SCN2A: variants seen among roughly 807,000 people sequenced by gnomAD.
SCN2A encodes sodium voltage-gated channel alpha subunit 2.
In SCN2A, 20 loss-of-function variants were observed where a neutral mutation model predicts 188.7. The ratio of observed to expected loss-of-function variants is 0.11; its 90% confidence interval spans 0.07 to 0.15. The LOEUF is 0.15. Ranked by LOEUF, SCN2A falls within the 10% of genes least tolerant of loss-of-function variation. SCN2A has a pLI of 1.00. For synonymous variants in SCN2A, 804 were observed against 833.1 expected (o/e 0.97, Z 0.60); for missense variants, 1,278 against 2,445.0 (o/e 0.52, Z 10.07).
At chr2:165,283,537 T>G (rs1194420016) in intron 1 of SCN2A, among the ~76,000 whole-genome samples, 1 of 152,218 alleles carries the variant, frequency 6.6e-6, no homozygotes, top group Non-Finnish European at 1.5e-5. Context: ...AGAAAACAAC[T>G]TCCGCTTTCT....
intron 19 of SCN2A, among the ~76,000 whole-genome samples, chr2:165,369,766 T>C (rs1161344542): frequency 6.6e-6 from 1 of 152,118 alleles, no homozygotes; most frequent in African/African-American, 2.4e-5. Flanking sequence ...CTGCTTTATA[T>C]CTGCATTACT....
rs773427614 is a variant in SCN2A at position 165,315,521 on chromosome 2, T to C, written c.1434T>C (p.Gly478=). 3 of 1,613,906 alleles carry C rather than the reference T, an allele frequency of 1.9e-6. No individual in the cohort carries two copies. The Admixed American group carries it at 5.0e-5, about 27-fold the overall frequency. ...AATCAAGAGACTTCAGTGGTGCTGG[T>C]GGGATAGGAGTTTTTTCAGAGAGTT... ...SAESRDFSGA[G]GIGVFSESSS... Residue 478 remains glycine (G), a synonymous_variant, in exon 11 of 27, where the codon GGT becomes GGC. Transcript: ENST00000375437.
intron 13 of SCN2A, chr2:165,328,215 T>G (rs1202246599): frequency 6.6e-6 from 1 of 152,606 alleles, no homozygotes; most frequent in African/African-American, 2.4e-5. Flanking sequence ...TAGACGACTG[T>G]GTACATCACA....
At chr2:165,306,993 A>G (rs1172007163) in intron 3 of SCN2A, among the ~76,000 whole-genome samples, 5 of 152,164 alleles carry the variant, frequency 3.3e-5, no homozygotes, top group Admixed American at 6.6e-5. Context: ...ATTTTCTTAA[A>G]TAGTTGTTTT....
At chr2:165,338,435 C>T (rs965189413) in intron 14 of SCN2A, among the ~76,000 whole-genome samples, 3 of 151,640 alleles carry the variant, frequency 2.0e-5, no homozygotes, top group Admixed American at 6.6e-5. Context: ...AATTTTGTTG[C>T]ATTTTTAGTA....
At chr2:165,275,837 CAA>C (rs1417749514) in intron 1 of SCN2A, among the ~76,000 whole-genome samples, 1 of 151,990 alleles carries the variant, frequency 6.6e-6, no homozygotes, top group African/African-American at 2.4e-5. Flanking sequence ...TGGGTTGAAG[CAA>C]TTCTCCTGCG....
rs1553569745 is a variant in SCN2A, at chr2:165,315,651, A to T, written c.1564A>T (p.Arg522Ter). 6.2e-7 allele frequency: 1 copy of T among 1,614,102 alleles called. No homozygotes were observed. Among genetic ancestry groups the T allele is most frequent in the Non-Finnish European group, 8.5e-7 (1 of 1,179,976 alleles). Reference protein sequence around the residue: ...EQSGEEEKNDRVRKSESEDSI... With the variant: ...EQSGEEEKND Reference sequence around the variant, plus strand: ...GTCTGGAGAAGAAGAGAAAAATGACAGAGTCCGAAAATCGGAATCTGAAGA... The same window carrying T: ...GTCTGGAGAAGAAGAGAAAAATGACTGAGTCCGAAAATCGGAATCTGAAGA... The change falls in exon 11 of 27, where the codon AGA becomes TGA. Residue 522 changes from arginine to a stop codon, truncating the protein, a stop_gained. Transcript: ENST00000375437. LOFTEE classifies it high-confidence loss of function.
At chr2:165,388,190 C>T (rs1308124725) in intron 26 of SCN2A, among the ~76,000 whole-genome samples, 2 of 152,150 alleles carry the variant, frequency 1.3e-5, no homozygotes, top group African/African-American at 4.8e-5. Context: ...TTCTTCTGTA[C>T]ATCACGCTGC....
At chr2:165,291,580 T>TTC (rs1696204253) in intron 1 of SCN2A, among the ~76,000 whole-genome samples, 2 of 87,148 alleles carry the variant, frequency 2.3e-5, no homozygotes, top group African/African-American at 7.4e-5. Context: ...TTCCTTTCTC[T>TTC]CTCTCTCTCT....
intron 1 of SCN2A, among the ~76,000 whole-genome samples, chr2:165,243,524 C>A (rs1167626210): frequency 6.6e-6 from 1 of 151,664 alleles, no homozygotes; most frequent in Non-Finnish European, 1.5e-5. Context: ...ATCGCTTGAA[C>A]CTGGGAGGCG....
intron 23 of SCN2A, among the ~76,000 whole-genome samples, chr2:165,379,660 A>G (rs1241434301): frequency 6.6e-6 from 1 of 151,846 alleles, no homozygotes; most frequent in Non-Finnish European, 1.5e-5. Context: ...ACTCACATAC[A>G]CAAATAAAAT....
intron 1 of SCN2A, among the ~76,000 whole-genome samples, chr2:165,291,292 C>T (rs1574511365): frequency 6.6e-6 from 1 of 151,712 alleles, no homozygotes; most frequent in South Asian, 2.1e-4. Flanking sequence ...AATCTGCCTG[C>T]TTCGGCCTCC....
At chr2:165,380,367 A>G (rs1401307262) in intron 23 of SCN2A, among the ~76,000 whole-genome samples, 1 of 151,844 alleles carries the variant, frequency 6.6e-6, no homozygotes, top group Non-Finnish European at 1.5e-5. Context: ...AATTGTCTAT[A>G]ATCATTCAGA....
At chr2:165,294,575 C>A (rs1489313207) in intron 1 of SCN2A, among the ~76,000 whole-genome samples, 1 of 149,016 alleles carries the variant, frequency 6.7e-6, no homozygotes, top group Non-Finnish European at 1.5e-5. Flanking sequence ...TTAGAAAATG[C>A]ATTTCATATA....
rs571265787 is a variant in SCN2A, at chr2:165,340,104, C to A, written c.2389-2192C>A. On this transcript the variant is annotated intron_variant, in intron 14 of 26. Coordinates refer to ENST00000375437, the MANE Select transcript of SCN2A (RefSeq NM_001040142.2). Reference sequence around the variant, plus strand: ...AATAAATGTATGGAAAATAAATGAACCTCCACTTCGATCTTATGCCAAGTG... The same window carrying A: ...AATAAATGTATGGAAAATAAATGAAACTCCACTTCGATCTTATGCCAAGTG... Among the ~76,000 whole-genome samples the A allele has an allele frequency of 1.4e-4, 21 of 152,220 alleles. 2 individuals carry two copies. Among genetic ancestry groups the A allele is most frequent in the African/African-American group, 4.6e-4 (19 of 41,540 alleles).
intron 11 of SCN2A, among the ~76,000 whole-genome samples, chr2:165,321,631 G>T (rs1044923155): frequency 3.3e-5 from 5 of 152,212 alleles, no homozygotes; most frequent in Non-Finnish European, 5.9e-5. Flanking sequence ...GTCAGGCAAA[G>T]AGAGAGTGAG....
At chr2:165,268,923 A>G (rs768590626) in intron 1 of SCN2A, 1 of 152,040 alleles carries the variant, frequency 6.6e-6, no homozygotes, top group South Asian at 2.1e-4. Flanking sequence ...TAACTTAGGT[A>G]TGGAATCTAA....
chr2:165,339,707 T>G (rs188797250), intron 14 of SCN2A, among the ~76,000 whole-genome samples: 1 of 152,284 alleles, frequency 6.6e-6, no homozygotes, highest in Non-Finnish European at 1.5e-5. Flanking sequence ...CAATGGAAGA[T>G]TCAATATTAT....
chr2:165,377,443 T>C (rs1003271929), intron 22 of SCN2A, among the ~76,000 whole-genome samples, 154 bp from the exon 23 acceptor site: 1 of 152,016 alleles, frequency 6.6e-6, no homozygotes, highest in African/African-American at 2.4e-5. Flanking sequence ...TCAATGCATA[T>C]CGCAAAACAT....
Sources: allele counts gnomAD v4.1 joint callset (sites outside exome capture counted in the v4.1 genomes callset), GRCh38; gene constraint gnomAD v4.1.1; transcripts MANE v1.5; gene names NCBI Gene and HGNC (gene_info 2026-07-23, HGNC 2026-07-21).